Variants in LDLRAP1 observed in about 807,000 individuals in gnomAD.
LDLRAP1 encodes the protein low density lipoprotein receptor adaptor protein 1.
LDLRAP1 carries 30 observed loss-of-function variants against 37.8 expected under a neutral mutation model. That is an observed-to-expected ratio of 0.79 (90% CI 0.59 to 1.08). The LOEUF is 1.08. Ranked by LOEUF, LDLRAP1 falls within the 50% of genes least tolerant of loss-of-function variation. The pLI, the probability that LDLRAP1 is intolerant of heterozygous loss-of-function variation, is 0.00. For missense variants in LDLRAP1, 375 were observed against 401.6 expected (o/e 0.93, Z 0.57); for synonymous variants, 156 against 169.8 (o/e 0.92, Z 0.63).
chr1:25,569,411 G>A (rs1326598875), downstream of LDLRAP1, among the ~76,000 whole-genome samples: 5 of 152,122 alleles, frequency 3.3e-5, no homozygotes, highest in African/African-American at 7.2e-5. Flanking sequence ...GGGGATGGTG[G>A]GAAGTATTTC....
At chr1:25,560,636 T>A (rs1421500385) in intron 4 of LDLRAP1, among the ~76,000 whole-genome samples, 1 of 152,220 alleles carries the variant, frequency 6.6e-6, no homozygotes, top group African/African-American at 2.4e-5. Flanking sequence ...GTGATCCTTG[T>A]GCAAGGTTTT....
chr1:25,565,045 G>C lies in LDLRAP1; in HGVS notation c.748-128G>C, dbSNP rs549561723. On this transcript the variant is annotated intron_variant, in intron 7 of 8. Transcript: ENST00000374338. ...AGGCAGGAGGCCTGCCTGAGGCCGT[G>C]CCTCCAGGCGCCCACCCTGAGCTTG... is the stretch of plus-strand genomic sequence containing the variant. 54 of 975,894 alleles carry C rather than the reference G, an allele frequency of 5.5e-5. No individual in the cohort carries two copies. In the African/African-American group the frequency reaches 6.1e-4, roughly 11 times the overall value. The allele number at this position is 975,894 out of a possible 1,614,324, so 60.5% of individuals were successfully genotyped here.
intron 4 of LDLRAP1, among the ~76,000 whole-genome samples, chr1:25,561,711 A>G (rs1339395574): frequency 6.6e-6 from 1 of 152,118 alleles, no homozygotes; most frequent in Non-Finnish European, 1.5e-5. Flanking sequence ...TGGGCTGGGG[A>G]TAGGTCCTGG....
the LDLRAP1 span, chr1:25,581,532 T>C: frequency 6.6e-6 from 1 of 152,300 alleles, no homozygotes; most frequent in Non-Finnish European, 1.5e-5. Context: ...TCTCCCACCT[T>C]GGGCTGAGGC....
intron 4 of LDLRAP1, among the ~76,000 whole-genome samples, chr1:25,558,421 T>C (rs1264547031): frequency 5.9e-5 from 9 of 152,214 alleles, no homozygotes; most frequent in Non-Finnish European, 1.3e-4. Flanking sequence ...TGATCGCAAA[T>C]TTAGTGGCTT....
Position 25,554,149 on chromosome 1 carries a change from TC to T in LDLRAP1, c.231+87del. On this transcript the variant is annotated intron_variant, in intron 2 of 8. Coordinates refer to ENST00000374338, the MANE Select transcript of LDLRAP1 (RefSeq NM_015627.3). This position sits in a 1 kb window ranked among gnomAD's most constrained non-coding sequence, Gnocchi z 5.4. The stretch of plus-strand genomic sequence containing the variant: ...GGGTGCCCTCGTCCCAGCTTGTTAC[TC>T]CAGTTGGGTGTGTCTGAGCCTGGCC... 2.6e-6 allele frequency: 4 copies of T among 1,530,118 alleles called. No homozygotes were observed. The highest frequency in any genetic ancestry group is 3.6e-6 in the Non-Finnish European group (4 of 1,118,634). 94.8% of individuals were successfully genotyped at this position (1,530,118 alleles called of 1,614,324 possible). A position where few individuals can be genotyped will look rare whatever the true frequency, so the allele number is the denominator to read the frequency against.
At chr1:25,588,971 C>T in the LDLRAP1 span, among the ~76,000 whole-genome samples, 1 of 152,152 alleles carries the variant, frequency 6.6e-6, no homozygotes, top group Non-Finnish European at 1.5e-5. Flanking sequence ...TTTCCATGTC[C>T]ACTTCTGCAT....
the LDLRAP1 span, among the ~76,000 whole-genome samples, chr1:25,583,624 T>G: frequency 6.6e-6 from 1 of 152,222 alleles, no homozygotes; most frequent in Admixed American, 6.5e-5. Context: ...GTTTGGTGCT[T>G]GACATAAATT....
At position 25,557,063 on chromosome 1, in the gene LDLRAP1, C is replaced by G. The variant is rs910073234; in HGVS notation, c.345-90C>G. 12 of 943,040 alleles carry G rather than the reference C, an allele frequency of 1.3e-5. No homozygotes were observed. The Admixed American group carries it at 2.1e-4, about 17-fold the overall frequency. 58.4% of individuals were successfully genotyped at this position (943,040 alleles called of 1,614,324 possible). Reference sequence around the variant, plus strand: ...TGGTGGAGTGGGAATAGCAGGTTCTCTGCAACTCAGGGGAGCTGCCCTGCA... The same window carrying G: ...TGGTGGAGTGGGAATAGCAGGTTCTGTGCAACTCAGGGGAGCTGCCCTGCA... On this transcript the variant is annotated intron_variant, in intron 3 of 8. Transcript: ENST00000374338.
At chr1:25,577,810 T>A in the LDLRAP1 span, among the ~76,000 whole-genome samples, 4,944 of 152,242 alleles carry the variant, frequency 0.032, 119 homozygotes, top group Non-Finnish European at 0.05. Flanking sequence ...ATCTTCCCCA[T>A]CTGTAAATGG....
downstream of LDLRAP1, among the ~76,000 whole-genome samples, chr1:25,571,086 T>A (rs1197622261): frequency 1.3e-5 from 2 of 152,174 alleles, no homozygotes; most frequent in Non-Finnish European, 2.9e-5. Context: ...CGCTCCGGAT[T>A]TCCACTGCAC....
chr1:25,555,409 A>G lies in LDLRAP1; in HGVS notation c.344+437A>G, dbSNP rs2044175345. On this transcript the variant is annotated intron_variant, in intron 3 of 8. Transcript: ENST00000374338. This position sits in a 1 kb window ranked among gnomAD's most constrained non-coding sequence, Gnocchi z 4.7. ...GCCAAGGTCTGAAGTCAGAGTATAG[A>G]TGGTCTCTCTAGTGGGTCCTCTGGT... Among the ~76,000 whole-genome samples, 2 of 151,982 alleles carry G rather than the reference A, an allele frequency of 1.3e-5. No individual in the cohort carries two copies. The highest frequency in any genetic ancestry group is 1.5e-5 in the Non-Finnish European group (1 of 68,022).
At chr1:25,556,918 G>C (rs1345994753) in intron 3 of LDLRAP1, among the ~76,000 whole-genome samples, 1 of 152,170 alleles carries the variant, frequency 6.6e-6, no homozygotes, top group Non-Finnish European at 1.5e-5. Flanking sequence ...GGGAGAGGGG[G>C]AAGTGCCCTG....
At chr1:25,586,040 G>A in the LDLRAP1 span, among the ~76,000 whole-genome samples, 1 of 152,294 alleles carries the variant, frequency 6.6e-6, no homozygotes, top group East Asian at 1.9e-4. The surrounding 1 kb of genome is among the most constrained non-coding windows in gnomAD (Gnocchi z 4.3). Flanking sequence ...AAGCAAGACA[G>A]TGGCACCCAG....
intron 3 of LDLRAP1, 82 bp from the exon 4 acceptor site, chr1:25,557,071 C>T: frequency 9.9e-7 from 1 of 1,014,390 alleles, no homozygotes; most frequent in Non-Finnish European, 1.6e-6. Context: ...CTCTGCAACT[C>T]AGGGGAGCTG....
chr1:25,579,535 G>A, the LDLRAP1 span, among the ~76,000 whole-genome samples: 2 of 152,234 alleles, frequency 1.3e-5, no homozygotes, highest in African/African-American at 4.8e-5. Flanking sequence ...TCAAAGATAA[G>A]AGAATTGTTT....
intron 8 of LDLRAP1, among the ~76,000 whole-genome samples, chr1:25,566,280 T>C (rs933312268): frequency 1.3e-5 from 2 of 152,086 alleles, no homozygotes; most frequent in African/African-American, 4.8e-5. Flanking sequence ...CATTTTGGGA[T>C]CCTGATTTTT....
intron 5 of LDLRAP1, 48 bp downstream of exon 5, chr1:25,562,764 A>G (rs560475277): frequency 1.3e-6 from 2 of 1,542,338 alleles, no homozygotes; most frequent in South Asian, 2.2e-5. Flanking sequence ...GTGGGGAGAC[A>G]CATAAAGGCC....
the LDLRAP1 span, among the ~76,000 whole-genome samples, chr1:25,578,568 G>A: frequency 6.6e-6 from 1 of 151,954 alleles, no homozygotes; most frequent in Non-Finnish European, 1.5e-5. Context: ...GGAGTGCAGT[G>A]CAGTGGTGTG....
Sources: allele counts gnomAD v4.1 joint callset (sites outside exome capture counted in the v4.1 genomes callset), GRCh38; gene constraint gnomAD v4.1.1; non-coding constraint Gnocchi (gnomAD v3.1); transcripts MANE v1.5; gene names NCBI Gene and HGNC (gene_info 2026-07-23, HGNC 2026-07-21).